Variants in DACH1 observed in about 807,000 individuals in gnomAD.
The protein encoded by DACH1 is dachshund homolog 1.
DACH1 carries 12 observed loss-of-function variants against 54.2 expected under a neutral mutation model. The ratio of observed to expected loss-of-function variants is 0.22; its 90% CI spans 0.14 to 0.36. The LOEUF is 0.36. Among genes scored for constraint, DACH1 ranks in the 10% least tolerant of loss-of-function variants. The pLI is 1.00. For synonymous variants in DACH1, 386 were observed against 366.2 expected (o/e 1.05, Z -0.62); for missense variants, 805 against 929.8 (o/e 0.87, Z 1.75).
rs539606216 is a variant in DACH1, at chr13:71,462,207, C to T, written c.2083+12934G>A. Among the ~76,000 whole-genome samples the T allele has an allele frequency of 3.9e-4, 59 of 151,940 alleles. 1 individual carries two copies. In the South Asian group the frequency reaches 0.012, roughly 32 times the overall value. ...ATTAGAAGAGTCTGCAGTTACTCCA[C>T]ACTATATGAAAATACAAATCATATT... On this transcript the variant is annotated intron_variant, in intron 10 of 10. Transcript: ENST00000613252.
chr13:71,819,364 C>G (rs1160171641), intron 1 of DACH1, among the ~76,000 whole-genome samples: 2 of 152,208 alleles, frequency 1.3e-5, no homozygotes, highest in East Asian at 3.9e-4. Flanking sequence ...ATCTGGCTCC[C>G]AGAGAGCAAA....
chr13:71,851,525 T>TAA (rs1873665018), intron 1 of DACH1, among the ~76,000 whole-genome samples: 1 of 152,132 alleles, frequency 6.6e-6, no homozygotes, highest in Non-Finnish European at 1.5e-5. Flanking sequence ...GTTTTGTAAA[T>TAA]AGAATAAGAC....
intron 6 of DACH1, among the ~76,000 whole-genome samples, chr13:71,525,066 C>A (rs1566315972): frequency 6.6e-6 from 1 of 152,116 alleles, no homozygotes. Flanking sequence ...CCATTAATAA[C>A]CAATTCACTG....
chr13:71,866,511 C>A lies in DACH1; in HGVS notation c.259G>T (p.Gly87Cys). The A allele has an allele frequency of 1.6e-6, 2 of 1,215,150 alleles. No individual in the cohort carries two copies. The highest frequency in any genetic ancestry group is 2.0e-6 in the Non-Finnish European group (2 of 981,268). 75.3% of individuals were successfully genotyped at this position (1,215,150 alleles called of 1,614,324 possible). ...GGGGGSGGGG[G>C]SSGNGGGGGG... Reference sequence around the variant, plus strand: ...CCGCCGCCTCCGTTGCCGCTGCTGCCGCCGCCGCCTCCGCTGCCGCCGCCG... The same window carrying A: ...CCGCCGCCTCCGTTGCCGCTGCTGCAGCCGCCGCCTCCGCTGCCGCCGCCG... The change falls in exon 1 of 11, where the codon GGC becomes TGC. Residue 87 changes from glycine (G) to cysteine (C), a missense_variant. By Grantham distance (159) the Gly-to-Cys change is radical. Around this residue, in one of 3 missense-constraint regions of DACH1, gnomAD observed 305 missense variants for 308.7 expected, o/e 0.99. Coordinates refer to ENST00000613252, the MANE Select transcript of DACH1 (RefSeq NM_080759.6).
chr13:71,583,887 C>A (rs1033631094), intron 3 of DACH1, among the ~76,000 whole-genome samples: 3 of 152,020 alleles, frequency 2.0e-5, no homozygotes, highest in Admixed American at 1.3e-4. Context: ...AACAATGAAT[C>A]GTTATCTGAT....
At chr13:71,799,568 G>A (rs146313606) in intron 1 of DACH1, among the ~76,000 whole-genome samples, 142 of 152,206 alleles carry the variant, frequency 9.3e-4, no homozygotes, top group African/African-American at 2.2e-3. Context: ...CTATAAAACC[G>A]AGACAGATAG....
intron 4 of DACH1, among the ~76,000 whole-genome samples, chr13:71,568,555 T>A (rs779396720): frequency 1.1e-4 from 16 of 152,036 alleles, no homozygotes; most frequent in Non-Finnish European, 2.4e-4. Context: ...GAAGAATTAG[T>A]AGACATTTTT....
At chr13:71,474,289 C>A (rs1566280656) in intron 10 of DACH1, among the ~76,000 whole-genome samples, 2 of 152,056 alleles carry the variant, frequency 1.3e-5, no homozygotes, top group Non-Finnish European at 2.9e-5. Context: ...GATTAAGTAA[C>A]ACAATTAACG....
chr13:71,588,351 C>T (rs1593943187), intron 3 of DACH1, among the ~76,000 whole-genome samples: 1 of 152,056 alleles, frequency 6.6e-6, no homozygotes, highest in African/African-American at 2.4e-5. Context: ...AACTTCTCTA[C>T]TTTAGTTTGT....
At chr13:71,590,406 A>C (rs1306343994) in intron 3 of DACH1, among the ~76,000 whole-genome samples, 1 of 152,210 alleles carries the variant, frequency 6.6e-6, no homozygotes, top group African/African-American at 2.4e-5. Flanking sequence ...TGCATATTCA[A>C]CATGTGTTTA....
At chr13:71,486,797 A>C (rs116221512) in intron 7 of DACH1, among the ~76,000 whole-genome samples, 33 of 25,918 alleles carry the variant, frequency 1.3e-3, no homozygotes, top group East Asian at 3.0e-3. Flanking sequence ...TAAATTAATT[A>C]ATTTATTTAT....
In DACH1 at chr13:71,771,582, T is replaced by C. The variant is rs562925183; in HGVS notation, c.849-89672A>G. On this transcript the variant is annotated intron_variant, in intron 1 of 10. Coordinates refer to ENST00000613252, the MANE Select transcript of DACH1 (RefSeq NM_080759.6). ...CCCATTCTAGAAAGTAGAAACAACA[T>C]TTTTCTTGTTACAAAGAATCAATGA... Among the ~76,000 whole-genome samples the C allele has an allele frequency of 5.9e-5, 9 of 151,564 alleles. No homozygotes were observed. In the East Asian group the frequency reaches 1.7e-3, roughly 29 times the overall value.
intron 1 of DACH1, among the ~76,000 whole-genome samples, chr13:71,745,421 A>C (rs1178059820): frequency 6.6e-6 from 1 of 152,218 alleles, no homozygotes; most frequent in Non-Finnish European, 1.5e-5. Flanking sequence ...AAAAGCAATA[A>C]TTTCTTGCTA....
At chr13:71,765,884 A>ATTTTT (rs10610275) in intron 1 of DACH1, among the ~76,000 whole-genome samples, 1 of 103,926 alleles carries the variant, frequency 9.6e-6, no homozygotes, top group Non-Finnish European at 2.0e-5. Flanking sequence ...CTTCTTCTTC[A>ATTTTT]TTTTTTTTTT....
intron 7 of DACH1, among the ~76,000 whole-genome samples, chr13:71,485,274 A>C (rs771914335): frequency 7.3e-5 from 11 of 151,628 alleles, no homozygotes; most frequent in Non-Finnish European, 1.6e-4. Context: ...ATATAGAAAA[A>C]ATAAAAGCAA....
At position 71,464,854 on chromosome 13, in the gene DACH1, A is replaced by G. The variant is rs1265562442; in HGVS notation, c.2083+10287T>C. 1.1e-5 allele frequency: 4 copies of G among 364,984 alleles called. No homozygotes were observed. In the East Asian group the frequency reaches 2.3e-4, roughly 21 times the overall value. 22.6% of individuals were successfully genotyped at this position (364,984 alleles called of 1,614,324 possible). On this transcript the variant is annotated intron_variant, in intron 10 of 10. Coordinates refer to ENST00000613252, the MANE Select transcript of DACH1 (RefSeq NM_080759.6). Reference sequence around the variant, plus strand: ...TAGTATCAAGAGAAATTTCTGACACAATGCACTCCCAGAAACAGGGAAACT... The same window carrying G: ...TAGTATCAAGAGAAATTTCTGACACGATGCACTCCCAGAAACAGGGAAACT...
chr13:71,756,976 C>A (rs1885193183), intron 1 of DACH1, among the ~76,000 whole-genome samples: 1 of 151,924 alleles, frequency 6.6e-6, no homozygotes, highest in Non-Finnish European at 1.5e-5. Context: ...AAATTTGTAA[C>A]AAAAAACTCA....
intron 3 of DACH1, among the ~76,000 whole-genome samples, chr13:71,590,041 A>G (rs897708365): frequency 5.9e-5 from 9 of 152,100 alleles, no homozygotes; most frequent in Admixed American, 3.3e-4. Context: ...GCTAAACATA[A>G]ATCTTTGAAA....
chr13:71,830,636 G>T (rs1335396246), intron 1 of DACH1, among the ~76,000 whole-genome samples: 1 of 151,778 alleles, frequency 6.6e-6, no homozygotes, highest in Non-Finnish European at 1.5e-5. Context: ...TCCTTCGAGA[G>T]CCAGAATTCC....
Sources: gnomAD v4.1 joint callset for allele counts (sites outside exome capture counted in the v4.1 genomes callset) on GRCh38, gnomAD v4.1.1 for gene constraint, gnomAD v4.1.1 regional missense constraint, MANE v1.5 for transcripts, NCBI Gene and HGNC (gene_info 2026-07-23, HGNC 2026-07-21) for gene names.